The following RALGPS1 variants were observed in gnomAD, a reference collection of about 807,000 sequenced individuals.
The protein encoded by RALGPS1 is ras-specific guanine nucleotide-releasing factor RalGPS1.
Under a neutral mutation model 78.8 loss-of-function variants are expected in RALGPS1, and 19 were observed. The observed-to-expected ratio is 0.24, with a 90% CI of 0.17 to 0.35. The LOEUF (loss-of-function observed/expected upper bound fraction) is 0.35, where lower values mean the gene tolerates loss of function less well. RALGPS1 is among the 10% of genes least tolerant of loss of function. The pLI is 1.00. For missense variants in RALGPS1, 454 were observed against 688.3 expected (o/e 0.66, Z 3.81); for synonymous variants, 228 against 256.3 (o/e 0.89, Z 1.06).
chr9:127,166,547 G>T (rs983172240), intron 9 of RALGPS1, among the ~76,000 whole-genome samples: 2 of 152,158 alleles, frequency 1.3e-5, no homozygotes, highest in African/African-American at 4.8e-5. Flanking sequence ...CCTCCAAGCA[G>T]ATTCGGGGAC....
chr9:127,173,629 T>C (rs578138603), intron 10 of RALGPS1, among the ~76,000 whole-genome samples: 1 of 152,258 alleles, frequency 6.6e-6, no homozygotes, highest in African/African-American at 2.4e-5. Flanking sequence ...CAAAAAGATA[T>C]ATTGAAGGGC....
intron 3 of RALGPS1, among the ~76,000 whole-genome samples, chr9:126,975,573 C>T (rs568044525): frequency 5.9e-5 from 9 of 152,338 alleles, no homozygotes; most frequent in African/African-American, 2.2e-4. Context: ...CAAGGCCTTT[C>T]TGTTCCCCAG....
At chr9:127,020,217 C>T (rs987545652) in intron 4 of RALGPS1, among the ~76,000 whole-genome samples, 17 of 152,126 alleles carry the variant, frequency 1.1e-4, no homozygotes, top group African/African-American at 3.9e-4. Context: ...TAACTTTTCT[C>T]GTTTCTTGCA....
At chr9:127,108,773 A>G (rs747753789) in intron 8 of RALGPS1, 29 of 1,553,942 alleles carry the variant, frequency 1.9e-5, no homozygotes, top group Non-Finnish European at 2.5e-5. Flanking sequence ...AATAGAATCT[A>G]TGAAAGCCTG....
At chr9:127,106,093 G>A (rs979836054) in intron 8 of RALGPS1, among the ~76,000 whole-genome samples, 1 of 152,222 alleles carries the variant, frequency 6.6e-6, no homozygotes, top group Non-Finnish European at 1.5e-5. Flanking sequence ...CCTATACTAT[G>A]TATCTGCCAG....
intron 8 of RALGPS1, among the ~76,000 whole-genome samples, chr9:127,134,006 T>TA (rs749862137): frequency 6.9e-6 from 1 of 145,448 alleles, no homozygotes; most frequent in Non-Finnish European, 1.5e-5. Context: ...TTGTCCTCGC[T>TA]CCCCCCCCCG....
In RALGPS1 at chr9:127,161,345, C is replaced by G. The variant is rs547561366; in HGVS notation, c.611-4724C>G. On this transcript the variant is annotated intron_variant, in intron 8 of 18. Coordinates refer to ENST00000259351, the MANE Select transcript of RALGPS1 (RefSeq NM_014636.3). ...GGTCCAGGCCCTGGACTGGGAGACT[C>G]GTGTAAACCACCGTTATTACCCTTA... 2.6e-5 allele frequency among the ~76,000 whole-genome samples: 4 copies of G among 152,320 alleles called. No individual in the cohort carries two copies. The East Asian group carries it at 7.7e-4, about 29-fold the overall frequency.
At chr9:127,012,667 A>G (rs1200851962) in intron 4 of RALGPS1, among the ~76,000 whole-genome samples, 1 of 152,234 alleles carries the variant, frequency 6.6e-6, no homozygotes, top group Non-Finnish European at 1.5e-5. Flanking sequence ...GCTGAGTGGC[A>G]TCTGGGGGAA....
intron 1 of RALGPS1, among the ~76,000 whole-genome samples, chr9:126,953,457 A>G (rs518116): frequency 0.59 from 88,910 of 151,862 alleles, 30,114 homozygotes; most frequent in East Asian, 0.81. Flanking sequence ...TTTTTGGTGC[A>G]GTGCAAACTA....
chr9:127,048,772 AC>A (rs1466374940), intron 5 of RALGPS1, among the ~76,000 whole-genome samples: 3 of 152,132 alleles, frequency 2.0e-5, no homozygotes, highest in African/African-American at 7.2e-5. Context: ...ATTTAGAAAA[AC>A]TTTTTTCTGT....
At chr9:127,196,928 G>A (rs1214414081) in intron 13 of RALGPS1, among the ~76,000 whole-genome samples, 7 of 152,346 alleles carry the variant, frequency 4.6e-5, no homozygotes, top group African/African-American at 1.7e-4. Context: ...AGCTGCCATT[G>A]GCTGGCAGCT....
chr9:127,196,049 G>A (rs1208352494), intron 12 of RALGPS1, among the ~76,000 whole-genome samples: 1 of 152,204 alleles, frequency 6.6e-6, no homozygotes, highest in African/African-American at 2.4e-5. Context: ...TTTTGAGAAC[G>A]AGTCTAATGA....
intron 5 of RALGPS1, among the ~76,000 whole-genome samples, chr9:127,043,360 C>T (rs1195919286): frequency 6.9e-6 from 1 of 145,964 alleles, no homozygotes; most frequent in African/African-American, 2.6e-5. Flanking sequence ...GGAGAAAGGA[C>T]AAGTGGTGCT....
chr9:127,136,926 A>G (rs1381317182), intron 8 of RALGPS1, among the ~76,000 whole-genome samples: 1 of 152,182 alleles, frequency 6.6e-6, no homozygotes, highest in African/African-American at 2.4e-5. Flanking sequence ...CAGGGACTCA[A>G]GACATGGGAA....
rs2054414254 is a variant in RALGPS1, at chr9:127,108,134, G to A, written c.610+38778G>A. On this transcript the variant is annotated intron_variant, in intron 8 of 18. Transcript: ENST00000259351. ...GGCACCCTCTGGCAGTGCTCCTCAA[G>A]CTGCGCGATGATCTCTGATTGGTTG... The A allele has an allele frequency of 3.7e-6, 6 of 1,614,048 alleles. No individual in the cohort carries two copies. The East Asian group carries it at 8.9e-5, about 24-fold the overall frequency.
At chr9:127,094,889 C>G (rs2052929149) in intron 8 of RALGPS1, among the ~76,000 whole-genome samples, 1 of 152,186 alleles carries the variant, frequency 6.6e-6, no homozygotes, top group Non-Finnish European at 1.5e-5. Context: ...TTAGCCCTCC[C>G]CACCCCTGCC....
At chr9:127,059,992 G>A (rs2049063721) in intron 7 of RALGPS1, among the ~76,000 whole-genome samples, 1 of 152,112 alleles carries the variant, frequency 6.6e-6, no homozygotes, top group Non-Finnish European at 1.5e-5. Context: ...AGCCAAGAAA[G>A]GGAAGTCACC....
chr9:127,108,877 T>C, intron 8 of RALGPS1: 5 of 906,572 alleles, frequency 5.5e-6, no homozygotes, highest in Non-Finnish European at 8.0e-6. Flanking sequence ...CAGGCAGAGC[T>C]TTCCAAAAAC....
chr9:126,949,147 A>AT (rs1213040487), intron 1 of RALGPS1, among the ~76,000 whole-genome samples: 3 of 152,148 alleles, frequency 2.0e-5, no homozygotes, highest in Non-Finnish European at 4.4e-5. Context: ...TGAACTCATC[A>AT]TTTTTTATGA....
Sources: allele counts gnomAD v4.1 joint callset (sites outside exome capture counted in the v4.1 genomes callset), GRCh38; gene constraint gnomAD v4.1.1; transcripts MANE v1.5; gene names NCBI Gene and HGNC (gene_info 2026-07-23, HGNC 2026-07-21).